Variants in L3MBTL3 observed in about 807,000 individuals in gnomAD.
The protein encoded by L3MBTL3 is lethal(3)malignant brain tumor-like protein 3.
L3MBTL3 carries 27 observed loss-of-function variants against 102.3 expected under a neutral mutation model. The ratio of observed to expected loss-of-function variants is 0.26; its 90% CI spans 0.19 to 0.36. The LOEUF (loss-of-function observed/expected upper bound fraction) is 0.36. L3MBTL3 is among the 10% of genes least tolerant of loss of function. L3MBTL3 has a pLI of 1.00. For missense variants in L3MBTL3, 798 were observed against 955.3 expected (o/e 0.84, Z 2.17); for synonymous variants, 340 against 320.9 (o/e 1.06, Z -0.64).
intron 3 of L3MBTL3, among the ~76,000 whole-genome samples, chr6:130,044,652 A>G (rs1028085514): frequency 3.9e-5 from 6 of 152,128 alleles, no homozygotes; most frequent in Non-Finnish European, 8.8e-5. Context: ...CATGTATCCA[A>G]TTCATGTGCT....
intron 2 of L3MBTL3, among the ~76,000 whole-genome samples, chr6:130,028,079 T>G (rs912520972): frequency 6.6e-6 from 1 of 152,058 alleles, no homozygotes; most frequent in Admixed American, 6.5e-5. Context: ...GTACCTTTTT[T>G]TTTTTTTTTC....
chr6:130,026,755 T>G (rs1779375079), intron 2 of L3MBTL3, among the ~76,000 whole-genome samples: 1 of 152,090 alleles, frequency 6.6e-6, no homozygotes, highest in Non-Finnish European at 1.5e-5. Context: ...TTTCATTTGT[T>G]CTCTATAGGA....
chr6:130,109,312 C>T (rs1281745063), intron 19 of L3MBTL3, among the ~76,000 whole-genome samples: 2 of 152,198 alleles, frequency 1.3e-5, no homozygotes, highest in Admixed American at 6.5e-5. Flanking sequence ...AGCTAATTTA[C>T]ACTCCCACCA....
intron 2 of L3MBTL3, among the ~76,000 whole-genome samples, chr6:130,030,762 A>G (rs558184781): frequency 6.6e-6 from 1 of 151,928 alleles, no homozygotes; most frequent in African/African-American, 2.4e-5. Context: ...TAGGTTGACT[A>G]AAATACAATG....
intron 2 of L3MBTL3, among the ~76,000 whole-genome samples, chr6:130,035,166 T>C (rs1779975237): frequency 6.6e-6 from 1 of 152,218 alleles, no homozygotes; most frequent in Non-Finnish European, 1.5e-5. Flanking sequence ...AAAAAAATTA[T>C]TTAAACATTC....
chr6:130,040,748 G>T (rs2114673323), intron 2 of L3MBTL3, among the ~76,000 whole-genome samples: 1 of 152,298 alleles, frequency 6.6e-6, no homozygotes, highest in Non-Finnish European at 1.5e-5. Context: ...AAGTGAAAAA[G>T]GCATTCCGTT....
At chr6:130,023,987 C>T (rs1022245554) in intron 2 of L3MBTL3, among the ~76,000 whole-genome samples, 1 of 152,092 alleles carries the variant, frequency 6.6e-6, no homozygotes, top group African/African-American at 2.4e-5. Context: ...CCAAACTAGT[C>T]ATTTAATAAG....
rs572920148 is a variant in L3MBTL3, at chr6:130,028,095, A to G, written c.-16+5790A>G. On this transcript the variant is annotated intron_variant, in intron 2 of 22. Transcript: ENST00000361794. ...TACCTTTTTTTTTTTTTTTCTTGAAAGGCATTTTTCATTTTCTGTTCCTTC... is the reference window on the plus strand; with the variant it reads ...TACCTTTTTTTTTTTTTTTCTTGAAGGGCATTTTTCATTTTCTGTTCCTTC... Among the ~76,000 whole-genome samples, 3 of 150,264 alleles carry G rather than the reference A, an allele frequency of 2.0e-5. No homozygotes were observed. In the East Asian group the frequency reaches 5.8e-4, roughly 29 times the overall value.
At chr6:130,116,264 A>G (rs952362606) in intron 19 of L3MBTL3, among the ~76,000 whole-genome samples, 4 of 152,152 alleles carry the variant, frequency 2.6e-5, no homozygotes, top group Non-Finnish European at 5.9e-5. Flanking sequence ...ACATTATTTT[A>G]TTTCATTCTT....
chr6:130,028,276 C>G (rs1024450927), intron 2 of L3MBTL3, among the ~76,000 whole-genome samples: 1 of 152,134 alleles, frequency 6.6e-6, no homozygotes, highest in Non-Finnish European at 1.5e-5. Context: ...GGTAGCAAAT[C>G]AGAGAGACCA....
chr6:130,071,914 A>G (rs1247474844), intron 13 of L3MBTL3, among the ~76,000 whole-genome samples: 1 of 152,126 alleles, frequency 6.6e-6, no homozygotes, highest in Non-Finnish European at 1.5e-5. Flanking sequence ...GATACTCATT[A>G]GTTTTACTTG....
chr6:130,063,904 CCTT>C (rs1386863423), intron 10 of L3MBTL3, among the ~76,000 whole-genome samples: 1 of 152,162 alleles, frequency 6.6e-6, no homozygotes, highest in African/African-American at 2.4e-5. Context: ...AGGTAAAGCT[CCTT>C]CTTGATTGAC....
intron 10 of L3MBTL3, among the ~76,000 whole-genome samples, chr6:130,062,157 A>G (rs1781937367): frequency 6.6e-6 from 1 of 152,100 alleles, no homozygotes; most frequent in African/African-American, 2.4e-5. Context: ...ATTTTTTATT[A>G]TAAAAGTAAT....
At position 130,139,647 on chromosome 6, in the gene L3MBTL3, C is replaced by G; in HGVS notation, c.2237C>G (p.Thr746Arg). The G allele has an allele frequency of 6.2e-7, 1 of 1,613,048 alleles. No individual in the cohort carries two copies. The highest frequency in any genetic ancestry group is 2.2e-5 in the East Asian group (1 of 44,802). Residue 746 changes from threonine to arginine, a missense_variant, in exon 23 of 23, where the codon ACA (threonine) becomes AGA (arginine). By Grantham distance (71) the Thr-to-Arg change is moderately conservative. Around this residue, in one of 4 missense-constraint regions of L3MBTL3, gnomAD observed 48 missense variants for 107.0 expected, o/e 0.45. Coordinates refer to ENST00000361794, the MANE Select transcript of L3MBTL3 (RefSeq NM_032438.4). ...GAAGCATTTCTACTTATGACTCAAA[C>G]AGACATTGTTAAAATTATGAGCATT... ...DGEAFLLMTQ[T>R]DIVKIMSIKL...
At chr6:130,131,470 A>G (rs1787028134) in intron 20 of L3MBTL3, among the ~76,000 whole-genome samples, 1 of 152,010 alleles carries the variant, frequency 6.6e-6, no homozygotes, top group Admixed American at 6.6e-5. Flanking sequence ...TCAGAGTTTC[A>G]CTCTTTGGTA....
At chr6:130,108,869 C>T (rs966043285) in intron 19 of L3MBTL3, among the ~76,000 whole-genome samples, 29 of 152,020 alleles carry the variant, frequency 1.9e-4, no homozygotes, top group Non-Finnish European at 2.1e-4. Flanking sequence ...CTGTCCCCCG[C>T]TGACAGGCCC....
At chr6:130,076,065 A>G (rs80235223) in intron 13 of L3MBTL3, among the ~76,000 whole-genome samples, 2,190 of 152,236 alleles carry the variant, frequency 0.014, 28 homozygotes, top group Middle Eastern at 0.054. Context: ...TAAAGTGCAG[A>G]GTAATGGAGG....
At chr6:130,085,947 T>G (rs2115150790) in intron 15 of L3MBTL3, among the ~76,000 whole-genome samples, 193 bp from the exon 16 acceptor site, 1 of 152,140 alleles carries the variant, frequency 6.6e-6, no homozygotes, top group East Asian at 1.9e-4. Flanking sequence ...GAGACAGGGT[T>G]CAGCCATGTT....
intron 13 of L3MBTL3, among the ~76,000 whole-genome samples, chr6:130,071,665 A>G (rs767073875): frequency 1.3e-5 from 2 of 152,106 alleles, no homozygotes; most frequent in Non-Finnish European, 2.9e-5. Context: ...TCCTAGTAAA[A>G]GGCATTTCTA....
Sources: gnomAD v4.1 joint callset for allele counts (sites outside exome capture counted in the v4.1 genomes callset) on GRCh38, gnomAD v4.1.1 for gene constraint, gnomAD v4.1.1 regional missense constraint, MANE v1.5 for transcripts, NCBI Gene and HGNC (gene_info 2026-07-23, HGNC 2026-07-21) for gene names.